MRTFA: variants seen among roughly 807,000 people sequenced by gnomAD.
MRTFA encodes the protein myocardin related transcription factor A.
MRTFA carries 20 observed loss-of-function variants against 83.5 expected under a neutral mutation model. The ratio of observed to expected loss-of-function variants is 0.24; its 90% CI spans 0.17 to 0.35. The LOEUF (loss-of-function observed/expected upper bound fraction) is 0.35. Among genes scored for constraint, MRTFA ranks in the 10% least tolerant of loss-of-function variants. The probability of loss-of-function intolerance (pLI) is 1.00; values close to 1 mark genes in which losing one functional copy is unlikely to be tolerated. For synonymous variants in MRTFA, 659 were observed against 541.2 expected, an observed-to-expected ratio of 1.22 and a Z score of -3.02; for missense variants, 1,200 against 1,224.7, an observed-to-expected ratio of 0.98 and a Z score of 0.30.
At chr22:40,636,313 C>T (rs1283688169) in intron 1 of MRTFA, among the ~76,000 whole-genome samples, 165 bp downstream of exon 1, 3 of 152,126 alleles carry the variant, frequency 2.0e-5, no homozygotes, top group Admixed American at 2.0e-4. Context: ...GACTCCGGCC[C>T]CGAGGGCAGG....
In MRTFA at chr22:40,473,458, C is replaced by CA. The variant is rs539123782; in HGVS notation, c.242-10173dup. On this transcript the variant is annotated intron_variant, in intron 3 of 14. Coordinates refer to ENST00000355630, the MANE Select transcript of MRTFA (RefSeq NM_020831.6). ...ACAGGTGTGAGCCACTGTACCCAGC[C>CA]AATATTAACTGTTAAAAGTAGTTTC... is the stretch of plus-strand genomic sequence containing the variant. Among the ~76,000 whole-genome samples the CA allele has an allele frequency of 1.2e-4, 18 of 152,222 alleles. No individual in the cohort carries two copies. The East Asian group carries it at 2.7e-3, about 23-fold the overall frequency.
At chr22:40,483,915 C>A (rs1240165467) in intron 3 of MRTFA, among the ~76,000 whole-genome samples, 1 of 151,830 alleles carries the variant, frequency 6.6e-6, no homozygotes, top group African/African-American at 2.4e-5. Flanking sequence ...CCATGTTGCT[C>A]AGGCTGGTCT....
chr22:40,479,423 C>T (rs912872463), intron 3 of MRTFA, among the ~76,000 whole-genome samples: 8 of 152,080 alleles, frequency 5.3e-5, no homozygotes, highest in Non-Finnish European at 8.8e-5. Context: ...TGCTGCTGGC[C>T]GGCCTTTCCT....
chr22:40,469,573 T>C (rs1482468241), intron 3 of MRTFA, among the ~76,000 whole-genome samples: 5 of 152,116 alleles, frequency 3.3e-5, no homozygotes, highest in Non-Finnish European at 7.3e-5. Context: ...CAAAACAGAC[T>C]AATGCAGACA....
rs761351267 is a variant in MRTFA at position 40,418,422 on chromosome 22, G to T, written c.2316C>A (p.Thr772=). The T allele has an allele frequency of 3.1e-6, 5 of 1,613,958 alleles. No homozygotes were observed. The highest frequency in any genetic ancestry group is 4.2e-6 in the Non-Finnish European group (5 of 1,179,964). Residue 772 remains threonine (T), a synonymous_variant, in exon 12 of 15, where the codon ACC becomes ACA. Transcript: ENST00000355630. ...GGCCAGGGCTGTCTGCATTCTTATT[G>T]GTCACGGTGAGGACAAGGTGGGTCC...
At chr22:40,575,017 A>G (rs1266847143) in intron 2 of MRTFA, among the ~76,000 whole-genome samples, 1 of 152,224 alleles carries the variant, frequency 6.6e-6, no homozygotes, top group Non-Finnish European at 1.5e-5. Context: ...AATCCAATTT[A>G]TATTTACACA....
At chr22:40,554,259 T>C (rs555038297) in intron 2 of MRTFA, among the ~76,000 whole-genome samples, 1 of 152,272 alleles carries the variant, frequency 6.6e-6, no homozygotes, top group Non-Finnish European at 1.5e-5. Flanking sequence ...CATACTTGTG[T>C]TTTGAAATGT....
chr22:40,631,107 A>G (rs1335480397), intron 1 of MRTFA, among the ~76,000 whole-genome samples: 1 of 152,200 alleles, frequency 6.6e-6, no homozygotes, highest in African/African-American at 2.4e-5. Flanking sequence ...TAACTGTGGA[A>G]TTCACCTAAA....
intron 3 of MRTFA, among the ~76,000 whole-genome samples, chr22:40,482,720 C>T (rs2054111607): frequency 6.6e-6 from 1 of 152,128 alleles, no homozygotes; most frequent in Admixed American, 6.5e-5. Context: ...TTTGCTAATC[C>T]CTGCTGGTAT....
chr22:40,432,337 A>C (rs2053084501), intron 5 of MRTFA, among the ~76,000 whole-genome samples: 1 of 152,186 alleles, frequency 6.6e-6, no homozygotes, highest in Admixed American at 6.5e-5. Context: ...ATTCATTTTG[A>C]ATGGCTGCCA....
chr22:40,569,433 G>A (rs1055741089), intron 2 of MRTFA: 1 of 164,968 alleles, frequency 6.1e-6, no homozygotes, highest in East Asian at 1.7e-4. Context: ...GCTAAAGGAG[G>A]TAATGTATGG....
At chr22:40,605,923 C>A (rs970569936) in intron 1 of MRTFA, among the ~76,000 whole-genome samples, 4 of 152,182 alleles carry the variant, frequency 2.6e-5, no homozygotes, top group African/African-American at 9.7e-5. Flanking sequence ...GATTAATTTT[C>A]ATTTATTCAT....
At chr22:40,560,761 C>G (rs577988274) in intron 2 of MRTFA, among the ~76,000 whole-genome samples, 16 of 152,318 alleles carry the variant, frequency 1.1e-4, no homozygotes, top group African/African-American at 3.8e-4. Context: ...CACAACCCAT[C>G]TGTTTCCCTC....
At chr22:40,435,969 G>C (rs58002714) in intron 4 of MRTFA, among the ~76,000 whole-genome samples, 2,995 of 151,516 alleles carry the variant, frequency 0.02, 91 homozygotes, top group African/African-American at 0.068. Flanking sequence ...ATTACTGTTA[G>C]TAGTACTATA....
intron 2 of MRTFA, chr22:40,587,016 G>C: frequency 2.1e-6 from 1 of 479,202 alleles, no homozygotes; most frequent in South Asian, 1.5e-5. Flanking sequence ...GCAGAGCATG[G>C]TCTTTGCATA....
intron 2 of MRTFA, among the ~76,000 whole-genome samples, chr22:40,555,968 ATGTGG>A (rs1018471064): frequency 3.3e-5 from 5 of 152,240 alleles, no homozygotes; most frequent in Non-Finnish European, 7.4e-5. Context: ...AGCATTTCTA[ATGTGG>A]GAAATGCTTA....
intron 2 of MRTFA, among the ~76,000 whole-genome samples, chr22:40,573,890 A>C (rs1291193520): frequency 3.9e-5 from 6 of 152,028 alleles, no homozygotes; most frequent in African/African-American, 1.4e-4. Context: ...AAAAATAATA[A>C]TATTTTTACT....
intron 4 of MRTFA, among the ~76,000 whole-genome samples, chr22:40,459,968 G>A (rs973818492): frequency 2.6e-5 from 4 of 150,988 alleles, no homozygotes; most frequent in Admixed American, 6.6e-5. Context: ...TTTTTGAGAC[G>A]GGGTCTCGCT....
At chr22:40,477,464 C>G (rs2054017442) in intron 3 of MRTFA, among the ~76,000 whole-genome samples, 1 of 152,030 alleles carries the variant, frequency 6.6e-6, no homozygotes, top group South Asian at 2.1e-4. Flanking sequence ...GCTACCTAAT[C>G]AAGTAACTTT....
Sources: gnomAD v4.1 joint callset for allele counts (sites outside exome capture counted in the v4.1 genomes callset) on GRCh38, gnomAD v4.1.1 for gene constraint, MANE v1.5 for transcripts, NCBI Gene and HGNC (gene_info 2026-07-23, HGNC 2026-07-21) for gene names.